TBX19: variants seen among roughly 807,000 people sequenced by gnomAD.
TBX19 encodes the protein T-box transcription factor 19.
A neutral mutation model predicts 40.9 loss-of-function variants in TBX19; 33 were observed. The ratio of observed to expected loss-of-function variants is 0.81; its 90% CI spans 0.61 to 1.08. TBX19 has a LOEUF of 1.08. Among genes scored for constraint, TBX19 ranks in the 50% least tolerant of loss-of-function variants. The probability of loss-of-function intolerance (pLI) is 0.00; values close to 1 mark genes in which losing one functional copy is unlikely to be tolerated. For synonymous variants in TBX19, 220 were observed against 225.0 expected, an observed-to-expected ratio of 0.98 and a Z score of 0.20; for missense variants, 494 against 574.0, an observed-to-expected ratio of 0.86 and a Z score of 1.42.
chr1:168,304,966 T>G, intron 5 of TBX19, 42 bp from the exon 6 acceptor site: 2 of 1,602,592 alleles, frequency 1.2e-6, no homozygotes, highest in South Asian at 2.2e-5. Flanking sequence ...GGTGTGGGAG[T>G]TCACAGACTC....
At chr1:168,309,557 A>T (rs1475894356) in intron 7 of TBX19, among the ~76,000 whole-genome samples, 1 of 152,182 alleles carries the variant, frequency 6.6e-6, no homozygotes, top group Non-Finnish European at 1.5e-5. Context: ...CCATTTTCCC[A>T]TGAGTCACCC....
intron 1 of TBX19, among the ~76,000 whole-genome samples, chr1:168,282,281 T>C (rs1648678538): frequency 6.6e-6 from 1 of 152,220 alleles, no homozygotes; most frequent in African/African-American, 2.4e-5. Context: ...CTTTTGTCCT[T>C]GTGCAAAGTG....
At chr1:168,289,710 G>C (rs1648892160) in intron 1 of TBX19, among the ~76,000 whole-genome samples, 1 of 152,154 alleles carries the variant, frequency 6.6e-6, no homozygotes, top group Admixed American at 6.5e-5. Flanking sequence ...GGCACCTAGT[G>C]AGTGCTCTGT....
intron 4 of TBX19, among the ~76,000 whole-genome samples, chr1:168,299,054 C>T (rs1340520703): frequency 6.6e-6 from 1 of 150,488 alleles, no homozygotes; most frequent in East Asian, 1.9e-4. Flanking sequence ...GCTGGGATTA[C>T]AGGTGGCCAC....
chr1:168,308,527 T>G, intron 6 of TBX19: 1 of 590,858 alleles, frequency 1.7e-6, no homozygotes, highest in Admixed American at 2.7e-5. Context: ...GAGTCACTGG[T>G]GTGAAGATTA....
At chr1:168,299,714 T>A (rs1649228802) in intron 4 of TBX19, among the ~76,000 whole-genome samples, 1 of 152,174 alleles carries the variant, frequency 6.6e-6, no homozygotes, top group Non-Finnish European at 1.5e-5. Flanking sequence ...CCTCAAGTGA[T>A]CCTCCTGCCT....
At chr1:168,308,232 T>C in intron 6 of TBX19, 1 of 166,546 alleles carries the variant, frequency 6.0e-6, no homozygotes, top group Non-Finnish European at 1.3e-5. Context: ...TTCCCCTGCC[T>C]TGGACTCCCA....
chr1:168,281,207 G>A lies in TBX19; in HGVS notation c.117G>A (p.Lys39=). The A allele has an allele frequency of 6.2e-7, 1 of 1,614,186 alleles. No homozygotes were observed. The change falls in exon 1 of 8, where the codon AAG becomes AAA. Residue 39 remains lysine (K), a synonymous_variant. Transcript: ENST00000367821. ...GGGAAAAAGGCGACCCTACGGAGAA[G>A]CAACTTCAGATCATCCTGGAGGATG... ...AGREKGDPTE[K]QLQIILEDAP... is the part of the protein sequence containing the mutation.
chr1:168,298,963 G>C (rs2102358407), intron 4 of TBX19, among the ~76,000 whole-genome samples: 1 of 142,836 alleles, frequency 7.0e-6, no homozygotes, highest in South Asian at 2.3e-4. Context: ...GACAGAGTCA[G>C]GCTGGAGTGG....
In TBX19 at chr1:168,291,250, T is replaced by C. The variant is rs1337025908; in HGVS notation, c.294T>C (p.Ser98=). 3.1e-6 allele frequency: 5 copies of C among 1,614,114 alleles called. No homozygotes were observed. The African/African-American group carries it at 6.7e-5, about 22-fold the overall frequency. The stretch of plus-strand genomic sequence containing the variant: ...TGCTGGACTTTGTCCCTACGGACAG[T>C]CACCGCTGGAAGTACGTCAACGGGG... The part of the protein sequence containing the change: ...SLLLDFVPTD[S]HRWKYVNGEW... The change falls in exon 2 of 8, where the codon AGT becomes AGC. Residue 98 remains serine, a synonymous_variant. Coordinates refer to ENST00000367821, the MANE Select transcript of TBX19 (RefSeq NM_005149.3).
At chr1:168,307,601 G>A (rs571425314) in intron 6 of TBX19, among the ~76,000 whole-genome samples, 42 of 151,990 alleles carry the variant, frequency 2.8e-4, no homozygotes, top group African/African-American at 9.4e-4. Flanking sequence ...AGAGATAGAC[G>A]TTGGAATCTT....
rs373885408 is a variant in TBX19 at position 168,293,138 on chromosome 1, C to T, written c.469-6C>T. The T allele has an allele frequency of 6.8e-6, 11 of 1,613,716 alleles. No individual in the cohort carries two copies. Among genetic ancestry groups the T allele is most frequent in the South Asian group, 5.5e-5 (5 of 91,062 alleles). On this transcript the variant is annotated splice_region_variant and splice_polypyrimidine_tract_variant and intron_variant, in intron 2 of 7. Transcript: ENST00000367821. ...TTCTCCTCTTTCTCTTCTCCTGCCT[C>T]GACAGATAATGTTGAATTCTCTGCA... is the stretch of plus-strand genomic sequence containing the variant.
At position 168,305,059 on chromosome 1, in the gene TBX19, C is replaced by T. The variant is rs1215287541; in HGVS notation, c.779C>T (p.Ser260Phe). 3.1e-6 allele frequency: 5 copies of T among 1,614,192 alleles called. No individual in the cohort carries two copies. The highest frequency in any genetic ancestry group is 4.2e-6 in the Non-Finnish European group (5 of 1,180,044). Reference protein sequence around the residue: ...NPDGVCTAGNSNYQYAAPLPL... With the variant: ...NPDGVCTAGNFNYQYAAPLPL... ...GATGGAGTGTGCACAGCAGGAAACT[C>T]CAATTACCAGTATGCCGCTCCTCTG... Residue 260 changes from serine to phenylalanine, a missense_variant, in exon 6 of 8, where the codon TCC (serine) becomes TTC (phenylalanine). By Grantham distance (155) the Ser-to-Phe change is radical. Transcript: ENST00000367821.
At chr1:168,298,320 T>A (rs1323791755) in intron 4 of TBX19, among the ~76,000 whole-genome samples, 1 of 152,224 alleles carries the variant, frequency 6.6e-6, no homozygotes, top group African/African-American at 2.4e-5. Flanking sequence ...CAATTTTTTT[T>A]AAAGACCTGT....
At chr1:168,308,497 A>G in intron 6 of TBX19, 1 of 509,168 alleles carries the variant, frequency 2.0e-6, no homozygotes, top group Non-Finnish European at 3.6e-6. Flanking sequence ...CCTGAGGCGT[A>G]TCTATAAGAT....
At position 168,281,240 on chromosome 1, in the gene TBX19, C is replaced by G; in HGVS notation, c.150C>G (p.Leu50=). The G allele has an allele frequency of 6.2e-7, 1 of 1,614,124 alleles. No individual in the cohort carries two copies. The highest frequency in any genetic ancestry group is 8.5e-7 in the Non-Finnish European group (1 of 1,180,008). Residue 50 remains leucine (L), a synonymous_variant, in exon 1 of 8, where the codon CTC becomes CTG. Transcript: ENST00000367821. ...AGATCATCCTGGAGGATGCACCTCT[C>G]TGGCAGAGATTCAAGGAAGTCACTA... ...QLQIILEDAP[L]WQRFKEVTNE...
Position 168,291,212 on chromosome 1 carries a change from A to G in TBX19, c.256A>G (p.Met86Val), listed in dbSNP as rs576241896. The G allele has an allele frequency of 6.2e-7, 1 of 1,614,198 alleles. No individual in the cohort carries two copies. The highest frequency in any genetic ancestry group is 1.3e-5 in the African/African-American group (1 of 75,052). Reference protein sequence around the residue: ...ISVTGLDPNAMYSLLLDFVPT... With the variant: ...ISVTGLDPNAVYSLLLDFVPT... ...TGTCACAGGGTTGGACCCCAATGCC[A>G]TGTACTCCCTCCTGCTGGACTTTGT... The change falls in exon 2 of 8, where the codon ATG becomes GTG. Residue 86 changes from methionine to valine, a missense_variant. By Grantham distance (21) the Met-to-Val change is conservative (BLOSUM62 1). Around this residue, in one of 3 missense-constraint regions of TBX19, gnomAD observed 201 missense variants for 235.2 expected, o/e 0.85. Coordinates refer to ENST00000367821, the MANE Select transcript of TBX19 (RefSeq NM_005149.3).
intron 1 of TBX19, among the ~76,000 whole-genome samples, chr1:168,288,443 C>T (rs1648856465): frequency 6.6e-6 from 1 of 152,118 alleles, no homozygotes; most frequent in Non-Finnish European, 1.5e-5. Context: ...TGGCTTGCAC[C>T]TGTAGTCCCA....
intron 5 of TBX19, 77 bp downstream of exon 5, chr1:168,300,560 G>T: frequency 7.2e-7 from 1 of 1,383,774 alleles, no homozygotes; most frequent in Non-Finnish European, 1.0e-6. Context: ...CAGACTCTTT[G>T]CCTGTCAGGA....
Sources: gnomAD v4.1 joint callset for allele counts (sites outside exome capture counted in the v4.1 genomes callset) on GRCh38, gnomAD v4.1.1 for gene constraint, gnomAD v4.1.1 regional missense constraint, MANE v1.5 for transcripts, NCBI Gene and HGNC (gene_info 2026-07-23, HGNC 2026-07-21) for gene names.